Variants in PES1 observed in about 807,000 individuals in gnomAD.
PES1 encodes the protein pescadillo homolog.
In PES1, 31 loss-of-function variants were observed where a neutral mutation model predicts 77.1. The ratio of observed to expected loss-of-function variants is 0.40; its 90% confidence interval spans 0.30 to 0.54. PES1 has a LOEUF of 0.54. Ranked by LOEUF, PES1 falls within the 20% of genes least tolerant of loss-of-function variation. PES1 has a pLI of 0.45. For missense variants in PES1, 658 were observed against 771.7 expected, an observed-to-expected ratio of 0.85 and a Z score of 1.75; for synonymous variants, 282 against 303.0, an observed-to-expected ratio of 0.93 and a Z score of 0.72.
intron 2 of PES1, among the ~76,000 whole-genome samples, chr22:30,597,018 C>A (rs565604396): frequency 1.3e-5 from 2 of 152,334 alleles, no homozygotes; most frequent in Admixed American, 6.5e-5. Flanking sequence ...CCAGCCGCTG[C>A]GGAGAGTGCG....
In PES1 at chr22:30,579,212, T is replaced by C. The variant is rs768567230; in HGVS notation, c.1446A>G (p.Glu482=). The change falls in exon 13 of 15, where the codon GAA becomes GAG. Residue 482 remains glutamate, a synonymous_variant. Transcript: ENST00000354694. ...DEEGENEEEE[E]DAEAGSEKEE... ...CCTTTTCTGAACCAGCCTCTGCATC[T>C]TCCTCCTCCTCCTCATTTTCTCCCT... 1 of 1,606,574 alleles carries C rather than the reference T, an allele frequency of 6.2e-7. No homozygotes were observed. The highest frequency in any genetic ancestry group is 1.3e-5 in the African/African-American group (1 of 74,996).
chr22:30,598,009 A>G (rs9609013), intron 2 of PES1, among the ~76,000 whole-genome samples: 41 of 150,086 alleles, frequency 2.7e-4, no homozygotes, highest in Non-Finnish European at 4.7e-4. Flanking sequence ...TCAGCCTCCC[A>G]AGTAGCTGGG....
chr22:30,582,825 T>C (rs1046395725), intron 6 of PES1, among the ~76,000 whole-genome samples: 2 of 152,120 alleles, frequency 1.3e-5, no homozygotes, highest in African/African-American at 4.8e-5. Flanking sequence ...CAACCCCATT[T>C]CCCACAGCCC....
chr22:30,586,523 G>A (rs557486191), intron 4 of PES1, among the ~76,000 whole-genome samples: 1 of 152,130 alleles, frequency 6.6e-6, no homozygotes, highest in Non-Finnish European at 1.5e-5. Flanking sequence ...TCTATGTTGT[G>A]GGGGACTACT....
At chr22:30,602,157 G>A (rs1254317915) in intron 2 of PES1, among the ~76,000 whole-genome samples, 1 of 152,008 alleles carries the variant, frequency 6.6e-6, no homozygotes, top group Non-Finnish European at 1.5e-5. Flanking sequence ...TCCACTTGAG[G>A]GAGACACCTG....
At chr22:30,581,193 C>A in intron 8 of PES1, 92 bp from the exon 9 acceptor site, 1 of 1,355,478 alleles carries the variant, frequency 7.4e-7, no homozygotes. Flanking sequence ...TCCTGGGCAT[C>A]AGCAGGTGTG....
chr22:30,592,547 A>C (rs955207155), upstream of PES1: 2 of 458,550 alleles, frequency 4.4e-6, no homozygotes, highest in Admixed American at 1.3e-4. Flanking sequence ...CTGTAATCCC[A>C]GCACTTTGGG....
upstream of PES1, among the ~76,000 whole-genome samples, chr22:30,594,682 A>C (rs200978038): frequency 1.1e-4 from 17 of 151,984 alleles, no homozygotes; most frequent in East Asian, 2.1e-3. Context: ...AAAAAAAAAA[A>C]AACACAGCCA....
At chr22:30,591,216 G>A (rs1265314942) in intron 1 of PES1, among the ~76,000 whole-genome samples, 1 of 152,098 alleles carries the variant, frequency 6.6e-6, no homozygotes, top group Non-Finnish European at 1.5e-5. Flanking sequence ...GATACAGTAC[G>A]TGTCCAACCC....
chr22:30,589,339 C>T, intron 1 of PES1, 69 bp from the exon 2 acceptor site: 1 of 1,279,654 alleles, frequency 7.8e-7, no homozygotes, highest in Non-Finnish European at 1.1e-6. Flanking sequence ...TCTGGGCATG[C>T]CTAGTTCCAG....
intron 1 of PES1, among the ~76,000 whole-genome samples, chr22:30,591,563 G>C (rs1164478033): frequency 6.6e-6 from 1 of 152,170 alleles, no homozygotes; most frequent in Non-Finnish European, 1.5e-5. Context: ...ATGAAGCTAC[G>C]CTTGGTAAGT....
intron 4 of PES1, among the ~76,000 whole-genome samples, chr22:30,585,735 A>G (rs2087076085): frequency 6.6e-6 from 1 of 151,598 alleles, no homozygotes. Context: ...AGGGGTTAAA[A>G]AAAAAAAAAA....
intron 2 of PES1, among the ~76,000 whole-genome samples, chr22:30,598,919 T>C (rs11089464): frequency 0.55 from 56,622 of 102,906 alleles, 17,879 homozygotes; most frequent in Middle Eastern, 0.63. Context: ...TTTTTTGAGA[T>C]GGAGTCCTGC....
intron 1 of PES1, 38 bp from the exon 2 acceptor site, chr22:30,589,308 T>C (rs745802803): frequency 2.3e-5 from 35 of 1,517,996 alleles, no homozygotes; most frequent in African/African-American, 1.4e-5. Context: ...TTAGCAATGA[T>C]TGTAGTGACT....
rs1332187409 is a variant in PES1, at chr22:30,600,643, C to T, written c.-661+4818G>A. Among the ~76,000 whole-genome samples, 6 of 152,210 alleles carry T rather than the reference C, an allele frequency of 3.9e-5. No homozygotes were observed. The East Asian group carries it at 7.7e-4, about 20-fold the overall frequency. On this transcript the variant is annotated intron_variant, in intron 2 of 16. Coordinates refer to the PES1 transcript ENST00000402281. ...CATCCTGGCTAACACGGTGAAACCC[C>T]GTCTCTACTAAAACTACAAAAAATT...
intron 10 of PES1, 86 bp downstream of exon 10, chr22:30,580,485 C>T (rs2086966106): frequency 2.0e-6 from 3 of 1,526,430 alleles, no homozygotes; most frequent in East Asian, 4.5e-5. Flanking sequence ...TGACACCATC[C>T]CAATGTTACC....
chr22:30,592,755 C>T (rs2087202413), upstream of PES1, among the ~76,000 whole-genome samples: 1 of 152,114 alleles, frequency 6.6e-6, no homozygotes, highest in Non-Finnish European at 1.5e-5. Flanking sequence ...CGAGATCTTG[C>T]CACTGCACTC....
intron 1 of PES1, among the ~76,000 whole-genome samples, chr22:30,606,417 G>T (rs1195717745): frequency 6.6e-6 from 1 of 151,816 alleles, no homozygotes; most frequent in Non-Finnish European, 1.5e-5. Context: ...TTTTGTATGT[G>T]TTTTTTGTGT....
intron 1 of PES1, among the ~76,000 whole-genome samples, chr22:30,589,914 G>A (rs542493037): frequency 3.9e-5 from 6 of 152,042 alleles, no homozygotes; most frequent in Non-Finnish European, 7.4e-5. Flanking sequence ...ATATACTGTA[G>A]GTCTGTTTAT....
Sources: allele counts gnomAD v4.1 joint callset (sites outside exome capture counted in the v4.1 genomes callset), GRCh38; gene constraint gnomAD v4.1.1; transcripts MANE v1.5; gene names NCBI Gene and HGNC (gene_info 2026-07-23, HGNC 2026-07-21).